The following ZNF572 variants were observed in gnomAD, a reference collection of about 807,000 sequenced individuals.
ZNF572 encodes the protein zinc finger protein 572.
A neutral mutation model predicts 3.8 loss-of-function variants in ZNF572; 2 were observed. The observed-to-expected ratio is 0.52, with a 90% CI of 0.21 to 1.65. The LOEUF is 1.65. ZNF572 is among the 40% of genes most tolerant of loss of function. ZNF572 has a pLI of 0.20. For missense variants in ZNF572, 581 were observed against 633.4 expected (o/e 0.92, Z 0.89); for synonymous variants, 187 against 204.5 (o/e 0.91, Z 0.73).
chr8:124,976,747 A>G lies in ZNF572; in HGVS notation c.479A>G (p.Tyr160Cys), dbSNP rs984926866. ...AGGACCCACTCAGGAGAAAAGCCTTATAAATGCTCTGAGTGTGCAAAATGT... is the reference window on the plus strand; with the variant it reads ...AGGACCCACTCAGGAGAAAAGCCTTGTAAATGCTCTGAGTGTGCAAAATGT... ...HQRTHSGEKP[Y>C]KCSECAKCFC... is the part of the protein sequence containing the mutation. The change falls in exon 3 of 3, where the codon TAT (tyrosine) becomes TGT (cysteine). Residue 160 changes from tyrosine to cysteine, a missense_variant. Physicochemically the swap from Tyr to Cys is radical, Grantham distance 194 (BLOSUM62 -2). Transcript: ENST00000319286. 6.2e-7 allele frequency: 1 copy of G among 1,614,220 alleles called. No homozygotes were observed. The highest frequency in any genetic ancestry group is 1.1e-5 in the South Asian group (1 of 91,086).
rs766882676 is a variant in ZNF572 at position 124,976,740 on chromosome 8, A to G, written c.472A>G (p.Lys158Glu). The stretch of plus-strand genomic sequence containing the variant: ...TCACCAGAGGACCCACTCAGGAGAA[A>G]AGCCTTATAAATGCTCTGAGTGTGC... ...RTHQRTHSGE[K>E]PYKCSECAKC... Residue 158 changes from lysine (K) to glutamate (E), a missense_variant, in exon 3 of 3, where the codon AAG (lysine) becomes GAG (glutamate). Coordinates refer to ENST00000319286, the MANE Select transcript of ZNF572 (RefSeq NM_152412.3). 4.3e-6 allele frequency: 7 copies of G among 1,614,218 alleles called. No individual in the cohort carries two copies. In the Admixed American group the frequency reaches 8.3e-5, roughly 19 times the overall value.
intron 1 of ZNF572, among the ~76,000 whole-genome samples, chr8:124,975,061 A>G (rs538057982): frequency 6.2e-4 from 95 of 152,270 alleles, no homozygotes; most frequent in African/African-American, 1.9e-3. Context: ...TTGCAGGGTT[A>G]TTGGCTATAA....
At chr8:124,974,265 C>T (rs919734467) in intron 1 of ZNF572, among the ~76,000 whole-genome samples, 1 of 152,216 alleles carries the variant, frequency 6.6e-6, no homozygotes, top group African/African-American at 2.4e-5. Flanking sequence ...AGCTCTGCTT[C>T]CTGTTCTAGT....
chr8:124,977,669 T>C lies in ZNF572; in HGVS notation c.1401T>C (p.Pro467=). 6.2e-7 allele frequency: 1 copy of C among 1,614,200 alleles called. No individual in the cohort carries two copies. The change falls in exon 3 of 3, where the codon CCT becomes CCC. Residue 467 remains proline, a synonymous_variant. Transcript: ENST00000319286. ...GGAGGACCCACATAGGGGAAAAACC[T>C]TACAAATGTACCAGCTGTGAGAAAT... The part of the protein sequence containing the change: ...RHRRTHIGEK[P]YKCTSCEKCF...
chr8:124,975,653 A>G lies in ZNF572; in HGVS notation c.13A>G (p.Lys5Glu), dbSNP rs757648188. ...TGTGATCATTGTGATGGAGCAAGAA[A>G]AAAAACTGTTGGTCTCAGATTCTAA... MEQE[K>E]KLLVSDSNSF... The change falls in exon 2 of 3, where the codon AAA (lysine) becomes GAA (glutamate). Residue 5 changes from lysine to glutamate, a missense_variant. By Grantham distance (56) the Lys-to-Glu change is moderately conservative. Transcript: ENST00000319286. The G allele has an allele frequency of 7.4e-6, 12 of 1,613,870 alleles. No homozygotes were observed. The highest frequency in any genetic ancestry group is 1.1e-5 in the South Asian group (1 of 91,084).
Position 124,977,295 on chromosome 8 carries a change from C to T in ZNF572, c.1027C>T (p.Leu343Phe). The change falls in exon 3 of 3, where the codon CTT (leucine) becomes TTT (phenylalanine). Residue 343 changes from leucine (L) to phenylalanine (F), a missense_variant. Physicochemically the swap from Leu to Phe is conservative, Grantham distance 22. Coordinates refer to ENST00000319286, the MANE Select transcript of ZNF572 (RefSeq NM_152412.3). ...GAAGAATTTTAGTCGTAGTTCAAACCTTATTACACACCAGAAAATGCACAC... is the reference window on the plus strand; with the variant it reads ...GAAGAATTTTAGTCGTAGTTCAAACTTTATTACACACCAGAAAATGCACAC... ...CGKNFSRSSNLITHQKMHTGE... is the reference protein window; with the variant it reads ...CGKNFSRSSNFITHQKMHTGE... 1 of 1,614,084 alleles carries T rather than the reference C, an allele frequency of 6.2e-7. No individual in the cohort carries two copies. Among genetic ancestry groups the T allele is most frequent in the Non-Finnish European group, 8.5e-7 (1 of 1,180,038 alleles).
chr8:124,976,886 T>C lies in ZNF572; in HGVS notation c.618T>C (p.His206=). 6.2e-7 allele frequency: 1 copy of C among 1,613,842 alleles called. No individual in the cohort carries two copies. Among genetic ancestry groups the C allele is most frequent in the Non-Finnish European group, 8.5e-7 (1 of 1,179,912 alleles). ...GCAATACCTCCCATCTTATTATCCA[T>C]GAGAGAACTCACACGGGAGAGAAAC... ...SFSNTSHLII[H]ERTHTGEKPY... Residue 206 remains histidine (H), a synonymous_variant, in exon 3 of 3, where the codon CAT becomes CAC. Transcript: ENST00000319286.
rs1427179934 is a variant in ZNF572 at position 124,978,308 on chromosome 8, GA to G, written c.*451del. 1 of 157,060 alleles carries G rather than the reference GA, an allele frequency of 6.4e-6. No individual in the cohort carries two copies. Among genetic ancestry groups the G allele is most frequent in the Admixed American group, 6.3e-5 (1 of 15,820 alleles). The allele number at this position is 157,060 out of a possible 1,614,324, so 9.7% of individuals were successfully genotyped here. A position where few individuals can be genotyped will look rare whatever the true frequency, so the allele number is the denominator to read the frequency against. On this transcript the variant is annotated 3_prime_UTR_variant, in exon 3 of 3. Transcript: ENST00000319286. ...CCTGGCTATTTTGTTGGGGGCTTAA[GA>G]TTTTTTTTTTTCAAATGCATTTTTA...
At position 124,977,335 on chromosome 8, in the gene ZNF572, A is replaced by G; in HGVS notation, c.1067A>G (p.Tyr356Cys). 2 of 1,614,268 alleles carry G rather than the reference A, an allele frequency of 1.2e-6. No homozygotes were observed. Among genetic ancestry groups the G allele is most frequent in the South Asian group, 1.1e-5 (1 of 91,092 alleles). ...HQKMHTGEKS[Y>C]ESSEYEESLG... ...AAAATGCACACAGGAGAGAAATCCTATGAAAGTTCTGAATATGAGGAAAGT... is the reference window on the plus strand; with the variant it reads ...AAAATGCACACAGGAGAGAAATCCTGTGAAAGTTCTGAATATGAGGAAAGT... The change falls in exon 3 of 3, where the codon TAT becomes TGT. Residue 356 changes from tyrosine (Y) to cysteine (C), a missense_variant. Physicochemically the swap from Tyr to Cys is radical, Grantham distance 194. Transcript: ENST00000319286.
chr8:124,976,363 A>G lies in ZNF572; in HGVS notation c.95A>G (p.Asn32Ser). The change falls in exon 3 of 3, where the codon AAT (asparagine) becomes AGT (serine). Residue 32 changes from asparagine to serine, a missense_variant. Coordinates refer to ENST00000319286, the MANE Select transcript of ZNF572 (RefSeq NM_152412.3). ...KSPFTGDTSM[N>S]NLETVHHNNS... The stretch of plus-strand genomic sequence containing the variant: ...ATTCTTGCAGGAGATACAAGTATGA[A>G]TAATTTGGAAACTGTTCACCACAAT... 1 of 1,586,020 alleles carries G rather than the reference A, an allele frequency of 6.3e-7. No individual in the cohort carries two copies. Among genetic ancestry groups the G allele is most frequent in the Non-Finnish European group, 8.6e-7 (1 of 1,166,718 alleles).
rs1295852465 is a variant in ZNF572, at chr8:124,976,507, T to C, written c.239T>C (p.Ile80Thr). The change falls in exon 3 of 3, where the codon ATT (isoleucine) becomes ACT (threonine). Residue 80 changes from isoleucine (I) to threonine (T), a missense_variant. Physicochemically the swap from Ile to Thr is moderately conservative, Grantham distance 89 (BLOSUM62 -1). Coordinates refer to ENST00000319286, the MANE Select transcript of ZNF572 (RefSeq NM_152412.3). Reference protein sequence around the residue: ...EMPLTWVQDEIWCHDSYESDG... With the variant: ...EMPLTWVQDETWCHDSYESDG... ...CCACTGACATGGGTTCAAGATGAGA[T>C]TTGGTGTCATGATTCCTATGAGAGT... The C allele has an allele frequency of 6.2e-7, 1 of 1,614,076 alleles. No individual in the cohort carries two copies. Among genetic ancestry groups the C allele is most frequent in the East Asian group, 2.2e-5 (1 of 44,876 alleles).
rs759158841 is a variant in ZNF572, at chr8:124,977,142, C to T, written c.874C>T (p.Arg292Trp). Residue 292 changes from arginine (R) to tryptophan (W), a missense_variant, in exon 3 of 3, where the codon CGG becomes TGG. By Grantham distance (101) the Arg-to-Trp change is moderately radical. Coordinates refer to ENST00000319286, the MANE Select transcript of ZNF572 (RefSeq NM_152412.3). ...GAGTTCCAGCCTCATTCGCCACCAG[C>T]GGACACACACAGGTGAGAAGCCCTA... ...SQSSSLIRHQ[R>W]THTGEKPYKC... 34 of 1,607,616 alleles carry T rather than the reference C, an allele frequency of 2.1e-5. No individual in the cohort carries two copies. The highest frequency in any genetic ancestry group is 1.2e-4 in the Admixed American group (7 of 59,936).
intron 1 of ZNF572, 84 bp downstream of exon 1, chr8:124,973,500 C>G (rs1270404484): frequency 6.6e-6 from 1 of 152,226 alleles, no homozygotes; most frequent in African/African-American, 2.4e-5. Context: ...CAGTGGACGT[C>G]CGGGAGAGAG....
chr8:124,974,760 C>T (rs1268254222), intron 1 of ZNF572, among the ~76,000 whole-genome samples: 1 of 151,996 alleles, frequency 6.6e-6, no homozygotes, highest in Non-Finnish European at 1.5e-5. Context: ...GGCACGATCT[C>T]GGCTCACTGC....
At position 124,977,676 on chromosome 8, in the gene ZNF572, T is replaced by G. The variant is rs1463586827; in HGVS notation, c.1408T>G (p.Cys470Gly). Residue 470 changes from cysteine (C) to glycine (G), a missense_variant, in exon 3 of 3, where the codon TGT (cysteine) becomes GGT (glycine). By Grantham distance (159) the Cys-to-Gly change is radical. Transcript: ENST00000319286. ...CCACATAGGGGAAAAACCTTACAAA[T>G]GTACCAGCTGTGAGAAATGCTTCAG... ...RTHIGEKPYK[C>G]TSCEKCFSRS... 10 of 1,614,186 alleles carry G rather than the reference T, an allele frequency of 6.2e-6. No individual in the cohort carries two copies. The East Asian group carries it at 1.6e-4, about 25-fold the overall frequency.
chr8:124,975,860 AT>A (rs1483209807), intron 2 of ZNF572, 141 bp downstream of exon 2: 2 of 621,784 alleles, frequency 3.2e-6, no homozygotes, highest in African/African-American at 3.7e-5. Flanking sequence ...CATTGTTCTC[AT>A]CTTTAAGAAA....
In ZNF572 at chr8:124,976,726, C is replaced by T; in HGVS notation, c.458C>T (p.Thr153Ile). ...TCTCATTTGCGTACTCACCAGAGGA[C>T]CCACTCAGGAGAAAAGCCTTATAAA... ...NSSHLRTHQRTHSGEKPYKCS... is the reference protein window; with the variant it reads ...NSSHLRTHQRIHSGEKPYKCS... The change falls in exon 3 of 3, where the codon ACC (threonine) becomes ATC (isoleucine). Residue 153 changes from threonine (T) to isoleucine (I), a missense_variant. Physicochemically the swap from Thr to Ile is moderately conservative, Grantham distance 89. Transcript: ENST00000319286. The T allele has an allele frequency of 6.2e-7, 1 of 1,614,154 alleles. No individual in the cohort carries two copies. Among genetic ancestry groups the T allele is most frequent in the Non-Finnish European group, 8.5e-7 (1 of 1,180,002 alleles).
Position 124,976,464 on chromosome 8 carries a change from G to A in ZNF572, c.196G>A (p.Glu66Lys). The A allele has an allele frequency of 6.2e-7, 1 of 1,614,162 alleles. No individual in the cohort carries two copies. Among genetic ancestry groups the A allele is most frequent in the African/African-American group, 1.3e-5 (1 of 75,044 alleles). ...KRHRPQHYKHEDAKEMPLTWV... is the reference protein window; with the variant it reads ...KRHRPQHYKHKDAKEMPLTWV... ...ACATAGACCACAACATTATAAGCAT[G>A]AGGATGCAAAAGAAATGCCACTGAC... is the stretch of plus-strand genomic sequence containing the variant. Residue 66 changes from glutamate (E) to lysine (K), a missense_variant, in exon 3 of 3, where the codon GAG (glutamate) becomes AAG (lysine). Physicochemically the swap from Glu to Lys is moderately conservative, Grantham distance 56. Transcript: ENST00000319286.
chr8:124,975,512 A>G lies in ZNF572; in HGVS notation c.-35-94A>G, dbSNP rs115655281. ...TTCGGTATGGTTCATGGAACATTCT[A>G]TGCCTCCTATTGTTGTGTTGGAATG... is the stretch of plus-strand genomic sequence containing the variant. On this transcript the variant is annotated intron_variant, in intron 1 of 2. Coordinates refer to ENST00000319286, the MANE Select transcript of ZNF572 (RefSeq NM_152412.3). The G allele has an allele frequency of 8.7e-4, 606 of 697,356 alleles. 2 individuals carry two copies. Among genetic ancestry groups the G allele is most frequent in the African/African-American group, 8.2e-3 (455 of 55,822 alleles). The allele number at this position is 697,356 out of a possible 1,614,324, so 43.2% of individuals were successfully genotyped here. A position where few individuals can be genotyped will look rare whatever the true frequency, so the allele number is the denominator to read the frequency against.
Sources: allele counts gnomAD v4.1 joint callset (sites outside exome capture counted in the v4.1 genomes callset), GRCh38; gene constraint gnomAD v4.1.1; transcripts MANE v1.5; gene names NCBI Gene and HGNC (gene_info 2026-07-23, HGNC 2026-07-21).